The following CSMD1 variants were observed in gnomAD, a reference collection of about 807,000 sequenced individuals.
CSMD1 encodes the protein CUB and sushi domain-containing protein 1.
CSMD1 carries 213 observed loss-of-function variants against 417.5 expected under a neutral mutation model. The ratio of observed to expected loss-of-function variants is 0.51; its 90% CI spans 0.46 to 0.57. The LOEUF (loss-of-function observed/expected upper bound fraction) is 0.57, where lower values mean the gene tolerates loss of function less well. Ranked by LOEUF, CSMD1 falls within the 20% of genes least tolerant of loss-of-function variation. The pLI is 0.00. For missense variants in CSMD1, 6,923 were observed against 4,529.7 expected (o/e 1.53, Z -15.17); for synonymous variants, 2,862 against 1,736.8 (o/e 1.65, Z -16.11).
At chr8:4,831,469 C>A (rs1454371065) in intron 1 of CSMD1, among the ~76,000 whole-genome samples, 3 of 152,164 alleles carry the variant, frequency 2.0e-5, no homozygotes, top group Non-Finnish European at 2.9e-5. Context: ...AAGCATTTTA[C>A]ACTATCATCT....
intron 26 of CSMD1, among the ~76,000 whole-genome samples, chr8:3,267,363 T>C (rs987816500): frequency 6.6e-6 from 1 of 152,176 alleles, no homozygotes; most frequent in Admixed American, 6.5e-5. Flanking sequence ...TGTTGATGCA[T>C]TGGAAGATTT....
At chr8:4,155,525 G>C (rs1184298798) in intron 3 of CSMD1, among the ~76,000 whole-genome samples, 7 of 152,060 alleles carry the variant, frequency 4.6e-5, no homozygotes, top group African/African-American at 1.7e-4. Flanking sequence ...AACTTAAATG[G>C]TTAAAAAAGT....
intron 12 of CSMD1, among the ~76,000 whole-genome samples, chr8:3,434,791 T>C (rs571750809): frequency 3.7e-4 from 57 of 152,294 alleles, no homozygotes; most frequent in Non-Finnish European, 6.0e-4. Flanking sequence ...GAACAGACAG[T>C]TCCTTACACT....
intron 1 of CSMD1, among the ~76,000 whole-genome samples, chr8:4,685,057 C>A (rs1379547240): frequency 6.6e-6 from 1 of 152,094 alleles, no homozygotes; most frequent in Non-Finnish European, 1.5e-5. Context: ...TTCTTCTGAC[C>A]CTTACCCAGT....
intron 26 of CSMD1, among the ~76,000 whole-genome samples, chr8:3,237,936 T>C (rs1180739959): frequency 6.8e-6 from 1 of 147,650 alleles, no homozygotes; most frequent in Non-Finnish European, 1.5e-5. Context: ...TTTTATGATA[T>C]GCTATATATT....
At chr8:3,157,050 G>A (rs1249336346) in intron 39 of CSMD1, among the ~76,000 whole-genome samples, 3 of 151,422 alleles carry the variant, frequency 2.0e-5, no homozygotes, top group Non-Finnish European at 4.4e-5. Context: ...AGTAGATCCA[G>A]GAGAACAACA....
At chr8:3,291,186 T>C (rs939230335) in intron 25 of CSMD1, among the ~76,000 whole-genome samples, 11 of 152,206 alleles carry the variant, frequency 7.2e-5, no homozygotes, top group Non-Finnish European at 1.5e-4. Context: ...CACTTGATCA[T>C]TGTGGATAAA....
chr8:3,797,752 C>T (rs1208770857), intron 5 of CSMD1, among the ~76,000 whole-genome samples: 5 of 151,828 alleles, frequency 3.3e-5, no homozygotes, highest in East Asian at 1.9e-4. Context: ...TTTGTGGACA[C>T]GTATTTTCAT....
At chr8:3,537,974 C>G (rs1031714400) in intron 10 of CSMD1, among the ~76,000 whole-genome samples, 9 of 152,038 alleles carry the variant, frequency 5.9e-5, no homozygotes, top group South Asian at 2.1e-4. Context: ...ATCGTTTATT[C>G]TTCTATTTAT....
At chr8:4,403,383 C>A (rs1278162618) in intron 3 of CSMD1, among the ~76,000 whole-genome samples, 1 of 152,116 alleles carries the variant, frequency 6.6e-6, no homozygotes, top group Non-Finnish European at 1.5e-5. Context: ...TCTCTAACTT[C>A]TCTCATCTAA....
chr8:3,347,383 A>G (rs551482001), intron 22 of CSMD1, among the ~76,000 whole-genome samples: 10 of 152,274 alleles, frequency 6.6e-5, no homozygotes, highest in South Asian at 2.1e-4. Context: ...GATTTTGTCA[A>G]TCAACGCAGG....
chr8:3,875,617 G>T (rs374855749), intron 5 of CSMD1, among the ~76,000 whole-genome samples: 3 of 152,136 alleles, frequency 2.0e-5, no homozygotes, highest in African/African-American at 7.2e-5. Context: ...AGAGGAGGAG[G>T]ACCAGAGTTT....
chr8:4,279,521 G>A (rs1256696711), intron 3 of CSMD1, among the ~76,000 whole-genome samples: 2 of 152,168 alleles, frequency 1.3e-5, no homozygotes, highest in Admixed American at 6.6e-5. Flanking sequence ...TGTCAATACA[G>A]TGTGGTTAGT....
intron 1 of CSMD1, among the ~76,000 whole-genome samples, chr8:4,720,950 T>C (rs1315660903): frequency 6.6e-6 from 1 of 152,190 alleles, no homozygotes; most frequent in Non-Finnish European, 1.5e-5. Context: ...CACCAGCTCT[T>C]AAGCTTGCCC....
intron 5 of CSMD1, among the ~76,000 whole-genome samples, chr8:3,841,029 A>G (rs909393875): frequency 1.3e-5 from 2 of 152,034 alleles, no homozygotes; most frequent in Admixed American, 1.3e-4. Context: ...TCTTTGGTAC[A>G]TGAGTCTTAG....
At position 3,998,084 on chromosome 8, in the gene CSMD1, G is replaced by A. The variant is rs767301977; in HGVS notation, c.637C>T (p.Arg213Cys). ...RAEGACGGTL[R>C]GTSSSISSPH... ...CTGGAGATGGAGCTGCTGGTCCCGC[G>A]TAAGGTTCCTCCGCAGGCTCCCTCA... The change falls in exon 5 of 70, where the codon CGC becomes TGC. Residue 213 changes from arginine (R) to cysteine (C), a missense_variant. Coordinates refer to ENST00000635120, the MANE Select transcript of CSMD1 (RefSeq NM_033225.6). The A allele has an allele frequency of 8.2e-6, 13 of 1,582,316 alleles. No individual in the cohort carries two copies. The highest frequency in any genetic ancestry group is 1.7e-4 in the Middle Eastern group (1 of 5,830).
At chr8:4,381,259 T>A (rs984860296) in intron 3 of CSMD1, among the ~76,000 whole-genome samples, 8 of 152,166 alleles carry the variant, frequency 5.3e-5, no homozygotes, top group African/African-American at 1.9e-4. Context: ...GAGTGAGGAA[T>A]AAAGGCGTCA....
At chr8:4,750,617 G>C (rs1353349425) in intron 1 of CSMD1, among the ~76,000 whole-genome samples, 1 of 152,014 alleles carries the variant, frequency 6.6e-6, no homozygotes, top group Non-Finnish European at 1.5e-5. Context: ...ATGAGACTAA[G>C]AGAATACCAA....
At chr8:4,628,159 C>T (rs898245438) in intron 2 of CSMD1, among the ~76,000 whole-genome samples, 2 of 150,972 alleles carry the variant, frequency 1.3e-5, no homozygotes, top group African/African-American at 4.9e-5. Flanking sequence ...TATCAAATTT[C>T]AACTGAATGA....
Sources: allele counts gnomAD v4.1 joint callset (sites outside exome capture counted in the v4.1 genomes callset), GRCh38; gene constraint gnomAD v4.1.1; transcripts MANE v1.5; gene names NCBI Gene and HGNC (gene_info 2026-07-23, HGNC 2026-07-21).